Variants in KCNN3 observed in about 807,000 individuals in gnomAD.
KCNN3 encodes small conductance calcium-activated potassium channel protein 3.
In KCNN3, 16 loss-of-function variants were observed where a neutral mutation model predicts 62.9. That is an observed-to-expected ratio of 0.25 (90% CI 0.17 to 0.39). KCNN3 has a LOEUF of 0.39. Among genes scored for constraint, KCNN3 ranks in the 10% least tolerant of loss-of-function variants. The pLI, the probability that KCNN3 is intolerant of heterozygous loss-of-function variation, is 1.00. For missense variants in KCNN3, 599 were observed against 949.4 expected (o/e 0.63, Z 4.85); for synonymous variants, 370 against 389.2 (o/e 0.95, Z 0.58).
At chr1:154,851,116 C>T (rs2101922923) in intron 1 of KCNN3, among the ~76,000 whole-genome samples, 1 of 152,242 alleles carries the variant, frequency 6.6e-6, no homozygotes, top group East Asian at 1.9e-4. Flanking sequence ...GTAGCTGGGA[C>T]TACAGGCGTG....
At position 154,706,358 on chromosome 1, in the gene KCNN3, T is replaced by A. The variant is rs1259833590; in HGVS notation, c.*1618A>T. 6.6e-6 allele frequency: 1 copy of A among 152,214 alleles called. No homozygotes were observed. The highest frequency in any genetic ancestry group is 2.4e-5 in the African/African-American group (1 of 41,462). 9.4% of individuals were successfully genotyped at this position (152,214 alleles called of 1,614,324 possible). A position where few individuals can be genotyped will look rare whatever the true frequency, so the allele number is the denominator to read the frequency against. ...CAACCACAAGCAAAAAAATCACCCT[T>A]TTGTTTTACCATCAACAGATGAAAT... On this transcript the variant is annotated 3_prime_UTR_variant, in exon 8 of 8. Transcript: ENST00000271915.
rs552844361 is a variant in KCNN3, at chr1:154,870,182, G to A, written c.-218C>T. 6.2e-5 allele frequency: 44 copies of A among 708,728 alleles called. 1 individual carries two copies. Among genetic ancestry groups the A allele is most frequent in the South Asian group, 6.0e-4 (40 of 66,856 alleles). 43.9% of individuals were successfully genotyped at this position (708,728 alleles called of 1,614,324 possible). A position where few individuals can be genotyped will look rare whatever the true frequency, so the allele number is the denominator to read the frequency against. On this transcript the variant is annotated 5_prime_UTR_variant, in exon 1 of 8. Transcript: ENST00000271915. ...TTGGGCAGGGAGGGAGAGCAGGAGG[G>A]GAGCTTGGAGAAAGAAGAGGGGGTG... is the stretch of plus-strand genomic sequence containing the variant.
intron 1 of KCNN3, chr1:154,859,893 A>G: frequency 2.1e-6 from 3 of 1,441,978 alleles, no homozygotes; most frequent in Non-Finnish European, 2.8e-6. Flanking sequence ...AATGCCCAAC[A>G]AGCTGACTCA....
Position 154,702,748 on chromosome 1 carries a change from T to TATATATAA in KCNN3, c.*5227_*5228insTTATATAT, listed in dbSNP as rs1699882749. On this transcript the variant is annotated 3_prime_UTR_variant, in exon 8 of 8. Transcript: ENST00000271915. ...ATATATATATATATATATATATATATGTACTTTTTCTTTTTGGCTATAAAT... is the reference window on the plus strand; with the variant it reads ...ATATATATATATATATATATATATATATATATAAGTACTTTTTCTTTTTGGCTATAAAT... The TATATATAA allele has an allele frequency of 2.6e-5, 3 of 113,428 alleles. No homozygotes were observed. Among genetic ancestry groups the TATATATAA allele is most frequent in the East Asian group, 5.2e-4 (2 of 3,832 alleles). 7.0% of individuals were successfully genotyped at this position (113,428 alleles called of 1,614,324 possible).
At chr1:154,854,587 G>T (rs935331462) in intron 1 of KCNN3, among the ~76,000 whole-genome samples, 3 of 152,042 alleles carry the variant, frequency 2.0e-5, no homozygotes, top group Non-Finnish European at 2.9e-5. Context: ...ATGTAAATTC[G>T]TGACAGCAAA....
At position 154,732,647 on chromosome 1, in the gene KCNN3, C is replaced by T. The variant is rs186348468; in HGVS notation, c.1590+356G>A. Among the ~76,000 whole-genome samples, 4 of 152,300 alleles carry T rather than the reference C, an allele frequency of 2.6e-5. No homozygotes were observed. In the East Asian group the frequency reaches 7.7e-4, roughly 29 times the overall value. Reference sequence around the variant, plus strand: ...CAACAGGAAGGAGGACAATAAACTGCAAGCTCCAGTGCTCACTGGAGGTGA... The same window carrying T: ...CAACAGGAAGGAGGACAATAAACTGTAAGCTCCAGTGCTCACTGGAGGTGA... On this transcript the variant is annotated intron_variant, in intron 4 of 7. Coordinates refer to ENST00000271915, the MANE Select transcript of KCNN3 (RefSeq NM_002249.6).
intron 2 of KCNN3, among the ~76,000 whole-genome samples, chr1:154,812,260 T>C (rs1650437277): frequency 6.6e-6 from 1 of 152,176 alleles, no homozygotes; most frequent in Non-Finnish European, 1.5e-5. Context: ...ATATTCTTTT[T>C]TTTTCTTTTT....
intron 2 of KCNN3, among the ~76,000 whole-genome samples, chr1:154,810,408 A>G (rs543355056): frequency 1.3e-5 from 2 of 152,200 alleles, no homozygotes; most frequent in Admixed American, 1.3e-4. Context: ...AGAAAGAACA[A>G]GACCCAGTAT....
intron 3 of KCNN3, among the ~76,000 whole-genome samples, chr1:154,761,447 G>A (rs1378875508): frequency 2.0e-5 from 3 of 151,906 alleles, no homozygotes; most frequent in African/African-American, 7.3e-5. Flanking sequence ...CAGCCCGGAT[G>A]ACAGAGCGAG....
chr1:154,771,883 C>G, intron 3 of KCNN3, 92 bp downstream of exon 3: 1 of 1,285,448 alleles, frequency 7.8e-7, no homozygotes, highest in South Asian at 1.2e-5. Flanking sequence ...CCTGTCTCCT[C>G]CATCAGACCA....
At chr1:154,826,864 G>A (rs1374920423) in intron 1 of KCNN3, among the ~76,000 whole-genome samples, 1 of 152,250 alleles carries the variant, frequency 6.6e-6, no homozygotes, top group Non-Finnish European at 1.5e-5. Context: ...ACAGAGACCT[G>A]GAGGGGCACT....
rs1335577455 is a variant in KCNN3 at position 154,870,177 on chromosome 1, G to A, written c.-213C>T. ...TTGTATTGGGCAGGGAGGGAGAGCA[G>A]GAGGGGAGCTTGGAGAAAGAAGAGG... On this transcript the variant is annotated 5_prime_UTR_variant, in exon 1 of 8. Coordinates refer to ENST00000271915, the MANE Select transcript of KCNN3 (RefSeq NM_002249.6). 2 of 714,444 alleles carry A rather than the reference G, an allele frequency of 2.8e-6. No homozygotes were observed. The highest frequency in any genetic ancestry group is 2.7e-5 in the East Asian group (1 of 36,904). The allele number at this position is 714,444 out of a possible 1,614,324, so 44.3% of individuals were successfully genotyped here. A position where few individuals can be genotyped will look rare whatever the true frequency, so the allele number is the denominator to read the frequency against.
At chr1:154,860,308 T>A (rs1032059105) in intron 1 of KCNN3, among the ~76,000 whole-genome samples, 3 of 152,252 alleles carry the variant, frequency 2.0e-5, no homozygotes, top group Non-Finnish European at 4.4e-5. Flanking sequence ...CGGCTCTCCC[T>A]GTGGCCCTAC....
intron 3 of KCNN3, 161 bp downstream of exon 3, chr1:154,771,814 A>G: frequency 1.3e-6 from 1 of 756,000 alleles, no homozygotes; most frequent in Non-Finnish European, 2.3e-6. Flanking sequence ...GCTCATACTG[A>G]ACCCCAACTC....
intron 3 of KCNN3, 45 bp from the exon 4 acceptor site, chr1:154,733,189 G>T: frequency 3.1e-6 from 5 of 1,605,824 alleles, no homozygotes; most frequent in Non-Finnish European, 4.3e-6. Flanking sequence ...AGCCATTCCT[G>T]GGAGTAAGGG....
intron 3 of KCNN3, among the ~76,000 whole-genome samples, chr1:154,734,766 G>A (rs73005411): frequency 0.011 from 1,634 of 152,290 alleles, 47 homozygotes; most frequent in African/African-American, 0.037. Context: ...CACTTTGTAC[G>A]CAAACATTCT....
chr1:154,789,436 G>A (rs1031209776), intron 2 of KCNN3, among the ~76,000 whole-genome samples: 11 of 152,072 alleles, frequency 7.2e-5, no homozygotes, highest in African/African-American at 1.9e-4. Context: ...GGCAGGGGGG[G>A]GCATTATGAT....
In KCNN3 at chr1:154,869,249, G is replaced by T; in HGVS notation, c.716C>A (p.Ala239Asp). The T allele has an allele frequency of 6.2e-7, 1 of 1,614,090 alleles. No individual in the cohort carries two copies. The highest frequency in any genetic ancestry group is 8.5e-7 in the Non-Finnish European group (1 of 1,180,000). The change falls in exon 1 of 8, where the codon GCC becomes GAC. Residue 239 changes from alanine to aspartate, a missense_variant. Coordinates refer to ENST00000271915, the MANE Select transcript of KCNN3 (RefSeq NM_002249.6). The surrounding 1 kb of genome is among the most constrained non-coding windows in gnomAD (Gnocchi z 6.1). The part of the protein sequence containing the change: ...AHQTLLHHPN[A>D]THNHQHAGTT... The stretch of plus-strand genomic sequence containing the variant: ...GCCGGCATGCTGGTGGTTGTGGGTG[G>T]CATTAGGGTGATGGAGCAGGGTCTG...
At chr1:154,741,860 C>T (rs980920860) in intron 3 of KCNN3, among the ~76,000 whole-genome samples, 3 of 152,370 alleles carry the variant, frequency 2.0e-5, no homozygotes, top group Non-Finnish European at 2.9e-5. Flanking sequence ...TGGACTGCTT[C>T]GTCCTTGCCT....
Sources: allele counts gnomAD v4.1 joint callset (sites outside exome capture counted in the v4.1 genomes callset), GRCh38; gene constraint gnomAD v4.1.1; non-coding constraint Gnocchi (gnomAD v3.1); transcripts MANE v1.5; gene names NCBI Gene and HGNC (gene_info 2026-07-23, HGNC 2026-07-21).